The following HUWE1 variants were observed in gnomAD, a reference collection of about 807,000 sequenced individuals.
The protein encoded by HUWE1 is E3 ubiquitin-protein ligase HUWE1.
Under a neutral mutation model 299.4 loss-of-function variants are expected in HUWE1, and 18 were observed. That is an observed-to-expected ratio of 0.06 (90% confidence interval 0.04 to 0.09). HUWE1 has a LOEUF of 0.09. HUWE1 is among the 10% of genes least tolerant of loss of function. The probability of loss-of-function intolerance (pLI) is 1.00; values close to 1 mark genes in which losing one functional copy is unlikely to be tolerated. For missense variants in HUWE1, 1,832 were observed against 3,462.3 expected (o/e 0.53, Z 11.82); for synonymous variants, 1,317 against 1,286.1 (o/e 1.02, Z -0.51).
chrX:53,636,494 C>T (rs1474857856), intron 7 of HUWE1, among the ~76,000 whole-genome samples: 2 of 112,497 alleles, frequency 1.8e-5, no homozygotes, highest in Non-Finnish European at 3.8e-5. Context: ...GAGCCCGAGG[C>T]GGGCAGATCA....
chrX:53,602,244 T>C (rs12850534), intron 28 of HUWE1, among the ~76,000 whole-genome samples: 44,303 of 109,311 alleles, frequency 0.41, 8,088 homozygotes, highest in Non-Finnish European at 0.54. Context: ...GTACCTAACA[T>C]TAAGTGAAGA....
chrX:53,573,328 C>A (rs1490231282), intron 47 of HUWE1, among the ~76,000 whole-genome samples: 2 of 109,208 alleles, frequency 1.8e-5, no homozygotes, highest in African/African-American at 7.0e-5. Flanking sequence ...ATCTTTGCCT[C>A]CTGGGTTCAA....
chrX:53,660,657 C>G (rs112385915), intron 3 of HUWE1, among the ~76,000 whole-genome samples: 3 of 111,690 alleles, frequency 2.7e-5, no homozygotes, highest in Non-Finnish European at 5.6e-5. Flanking sequence ...GACAAGAATC[C>G]TGTAATTTGG....
chrX:53,572,488 C>G (rs1030594136), intron 47 of HUWE1, among the ~76,000 whole-genome samples: 1 of 111,821 alleles, frequency 8.9e-6, no homozygotes. Context: ...CACTAGTGCC[C>G]CTACTCACTC....
Position 53,654,172 on chromosome X carries a change from T to C in HUWE1, c.-24-41A>G, listed in dbSNP as rs1003460794. The C allele has an allele frequency of 1.3e-5, 11 of 820,112 alleles. No homozygotes were observed. The African/African-American group carries it at 2.2e-4, about 17-fold the overall frequency. 67.6% of individuals were successfully genotyped at this position (820,112 alleles called of 1,213,427 possible). A position where few individuals can be genotyped will look rare whatever the true frequency, so the allele number is the denominator to read the frequency against. On this transcript the variant is annotated intron_variant, in intron 3 of 83. Transcript: ENST00000262854. ...CCCAAAAGAAGTGAGAACTTAAAGC[T>C]ACAATCTTGAGCTCTACAAGCTTGG... is the stretch of plus-strand genomic sequence containing the variant.
intron 77 of HUWE1, among the ~76,000 whole-genome samples, chrX:53,537,977 G>A (rs1222051011): frequency 9.0e-6 from 1 of 111,703 alleles, no homozygotes; most frequent in Non-Finnish European, 1.9e-5. Context: ...AGGAGAAGGA[G>A]AGGCATAGGG....
rs1175668846 is a variant in HUWE1, at chrX:53,645,736, AATATATATATAT to A, written c.352-285_352-274del. Reference sequence around the variant, plus strand: ...TCAAAAAAAGAAAAAAAAAAAAAAAAATATATATATATATATATATATATATATATATATATA... The same window carrying A: ...TCAAAAAAAGAAAAAAAAAAAAAAAAATATATATATATATATATATATATA... On this transcript the variant is annotated intron_variant, in intron 6 of 83. Coordinates refer to ENST00000262854, the MANE Select transcript of HUWE1 (RefSeq NM_031407.7). Among the ~76,000 whole-genome samples, 216 of 26,115 alleles carry A rather than the reference AATATATATATAT, an allele frequency of 8.3e-3. 14 individuals carry two copies. Among genetic ancestry groups the A allele is most frequent in the Middle Eastern group, 0.043 (1 of 23 alleles). The allele number at this position is 26,115 out of a possible 115,157, so 22.7% of individuals were successfully genotyped here.
chrX:53,679,801 A>G (rs1460130324), intron 3 of HUWE1, among the ~76,000 whole-genome samples: 3 of 111,780 alleles, frequency 2.7e-5, no homozygotes, highest in Non-Finnish European at 5.6e-5. Context: ...ATGACTTGCA[A>G]TTTTATTTTT....
At chrX:53,555,484 CCTGA>C (rs781901350) in intron 60 of HUWE1, among the ~76,000 whole-genome samples, 9 of 109,979 alleles carry the variant, frequency 8.2e-5, no homozygotes, top group Non-Finnish European at 1.7e-4. Flanking sequence ...TGCCACCATA[CCTGA>C]CTAATTTTTT....
At chrX:53,674,149 T>C (rs955771435) in intron 3 of HUWE1, among the ~76,000 whole-genome samples, 1 of 111,956 alleles carries the variant, frequency 8.9e-6, no homozygotes, top group Non-Finnish European at 1.9e-5. Flanking sequence ...TTAGTTTGAG[T>C]ACCATTTCTT....
chrX:53,672,140 T>C (rs2069578994), intron 3 of HUWE1, among the ~76,000 whole-genome samples: 2 of 110,573 alleles, frequency 1.8e-5, no homozygotes, highest in African/African-American at 6.6e-5. Flanking sequence ...GAAAACAGCT[T>C]GGAAAAAAAG....
chrX:53,565,183 C>T lies in HUWE1; in HGVS notation c.6764G>A (p.Arg2255Gln). 1.7e-6 allele frequency: 2 copies of T among 1,211,240 alleles called. No individual in the cohort carries two copies. Among genetic ancestry groups the T allele is most frequent in the Non-Finnish European group, 2.2e-6 (2 of 895,075 alleles). The change falls in exon 50 of 84, where the codon CGG becomes CAG. Residue 2255 changes from arginine to glutamine, a missense_variant. Physicochemically the swap from Arg to Gln is conservative, Grantham distance 43. Coordinates refer to ENST00000262854, the MANE Select transcript of HUWE1 (RefSeq NM_031407.7). Reference protein sequence around the residue: ...AALKPLETLSRIVNQPSSLFG... With the variant: ...AALKPLETLSQIVNQPSSLFG... Reference sequence around the variant, plus strand: ...AAGGCTACTGGGCTGGTTCACAATCCGGGAAAGTGTTTCCAAAGGCTTCAG... The same window carrying T: ...AAGGCTACTGGGCTGGTTCACAATCTGGGAAAGTGTTTCCAAAGGCTTCAG...
chrX:53,641,926 AT>A (rs782064251), intron 7 of HUWE1, among the ~76,000 whole-genome samples: 1 of 111,120 alleles, frequency 9.0e-6, no homozygotes, highest in Admixed American at 9.6e-5. Flanking sequence ...GGTAAGATTT[AT>A]TTTCCCTTAT....
chrX:53,541,408 C>T (rs1387978748), intron 74 of HUWE1, among the ~76,000 whole-genome samples: 4 of 109,136 alleles, frequency 3.7e-5, no homozygotes, highest in Admixed American at 9.8e-5. Context: ...GCCAATGTGG[C>T]GAAACCCTGT....
chrX:53,584,922 T>G, intron 40 of HUWE1, 90 bp downstream of exon 40: 1 of 969,570 alleles, frequency 1.0e-6, no homozygotes, highest in Non-Finnish European at 1.5e-6. Flanking sequence ...AAAACCTCAA[T>G]GTGTGGTGTT....
In HUWE1 at chrX:53,584,252, C is replaced by G; in HGVS notation, c.5095G>C (p.Glu1699Gln). 8.3e-7 allele frequency: 1 copy of G among 1,205,551 alleles called. No individual in the cohort carries two copies. The highest frequency in any genetic ancestry group is 1.1e-6 in the Non-Finnish European group (1 of 889,910). ...NKNSKNSNGQ[E>Q]LEKTLEESKE... ...CTTTCTTCCAGCGTCTTCTCTAGTTCCTGTCCATTGCTGTTTTTTGAATTT... is the reference window on the plus strand; with the variant it reads ...CTTTCTTCCAGCGTCTTCTCTAGTTGCTGTCCATTGCTGTTTTTTGAATTT... Residue 1699 changes from glutamate to glutamine, a missense_variant, in exon 41 of 84, where the codon GAA becomes CAA. Glu to Gln is a conservative substitution (Grantham distance 29, BLOSUM62 2). This residue lies in a region of HUWE1 where 46 missense variants were observed against 42.6 expected (regional missense o/e 1.08). Transcript: ENST00000262854.
chrX:53,677,143 C>T, intron 3 of HUWE1, among the ~76,000 whole-genome samples: 1 of 88,069 alleles, frequency 1.1e-5, no homozygotes, highest in South Asian at 7.0e-4. Context: ...TATCAAGTCT[C>T]TGGATCCAGC....
chrX:53,647,148 C>T (rs2068109822), intron 6 of HUWE1, among the ~76,000 whole-genome samples: 1 of 111,955 alleles, frequency 8.9e-6, no homozygotes, highest in African/African-American at 3.2e-5. Context: ...TTTCTTGAAT[C>T]TTGAAAAGGC....
At chrX:53,534,840 A>C in intron 81 of HUWE1, 143 bp from the exon 82 acceptor site, 1 of 503,701 alleles carries the variant, frequency 2.0e-6, no homozygotes, top group African/African-American at 2.4e-5. Flanking sequence ...TGCCCAGGCT[A>C]GTCTCAACCC....
Sources: gnomAD v4.1 joint callset for allele counts (sites outside exome capture counted in the v4.1 genomes callset) on GRCh38, gnomAD v4.1.1 for gene constraint, gnomAD v4.1.1 regional missense constraint, MANE v1.5 for transcripts, NCBI Gene and HGNC (gene_info 2026-07-23, HGNC 2026-07-21) for gene names.